Variants in RAD51B observed in about 807,000 individuals in gnomAD.
RAD51B encodes the protein DNA repair protein RAD51 homolog 2.
Under a neutral mutation model 42.2 loss-of-function variants are expected in RAD51B, and 38 were observed. The observed-to-expected ratio is 0.90, with a 90% CI of 0.70 to 1.18. The LOEUF is 1.18. Ranked by LOEUF, RAD51B falls within the 50% of genes most tolerant of loss-of-function variation. The pLI, the probability that RAD51B is intolerant of heterozygous loss-of-function variation, is 0.00. For missense variants in RAD51B, 373 were observed against 400.7 expected, an observed-to-expected ratio of 0.93 and a Z score of 0.59; for synonymous variants, 154 against 145.2, an observed-to-expected ratio of 1.06 and a Z score of -0.43.
At chr14:68,526,468 A>G (rs1206341535) in intron 10 of RAD51B, among the ~76,000 whole-genome samples, 7 of 152,228 alleles carry the variant, frequency 4.6e-5, no homozygotes, top group African/African-American at 1.7e-4. Context: ...AGCAATTGAG[A>G]TGAATTACCG....
intron 7 of RAD51B, among the ~76,000 whole-genome samples, chr14:68,217,803 G>C (rs2079847186): frequency 6.6e-6 from 1 of 152,198 alleles, no homozygotes; most frequent in Non-Finnish European, 1.5e-5. Context: ...AACAGAGGAA[G>C]TCATGGAAGA....
At chr14:68,449,150 G>A (rs545265536) in intron 9 of RAD51B, among the ~76,000 whole-genome samples, 5 of 152,204 alleles carry the variant, frequency 3.3e-5, no homozygotes, top group African/African-American at 1.2e-4. Flanking sequence ...AAAAATGAAC[G>A]AAATGTTGTG....
intron 7 of RAD51B, among the ~76,000 whole-genome samples, chr14:68,273,332 G>T (rs916924024): frequency 1.3e-5 from 2 of 152,196 alleles, no homozygotes; most frequent in African/African-American, 4.8e-5. Flanking sequence ...TTACTCTCAG[G>T]TGAACCTGGC....
intron 10 of RAD51B, among the ~76,000 whole-genome samples, chr14:68,503,702 TAAG>T (rs1341904598): frequency 6.6e-6 from 1 of 152,142 alleles, no homozygotes; most frequent in Non-Finnish European, 1.5e-5. Context: ...CTTTCAGGGC[TAAG>T]AAGATGTTAG....
At chr14:68,335,875 T>C (rs1401140126) in intron 8 of RAD51B, among the ~76,000 whole-genome samples, 1 of 152,118 alleles carries the variant, frequency 6.6e-6, no homozygotes, top group Non-Finnish European at 1.5e-5. Context: ...TTAGCAATAC[T>C]TTAAGGGACT....
At chr14:68,532,819 T>C (rs1887394787) in intron 10 of RAD51B, among the ~76,000 whole-genome samples, 2 of 152,190 alleles carry the variant, frequency 1.3e-5, no homozygotes, top group African/African-American at 4.8e-5. Flanking sequence ...ATATTAACAA[T>C]ATTAACAGAG....
At chr14:68,030,476 T>G (rs975586898) in intron 7 of RAD51B, among the ~76,000 whole-genome samples, 1 of 152,228 alleles carries the variant, frequency 6.6e-6, no homozygotes, top group African/African-American at 2.4e-5. Flanking sequence ...TTAAACCTCA[T>G]GAAGCAACCT....
intron 8 of RAD51B, among the ~76,000 whole-genome samples, chr14:68,300,762 G>T (rs2081714254): frequency 6.6e-6 from 1 of 152,098 alleles, no homozygotes; most frequent in Non-Finnish European, 1.5e-5. Flanking sequence ...TGAGATATGA[G>T]GCCTAAATTT....
At chr14:68,158,916 A>G (rs980741150) in intron 7 of RAD51B, among the ~76,000 whole-genome samples, 1 of 152,242 alleles carries the variant, frequency 6.6e-6, no homozygotes, top group Non-Finnish European at 1.5e-5. Context: ...TATTTAAACA[A>G]AAGTTGATTC....
At chr14:68,347,494 C>T (rs549419629) in intron 8 of RAD51B, among the ~76,000 whole-genome samples, 6 of 152,198 alleles carry the variant, frequency 3.9e-5, no homozygotes, top group African/African-American at 4.8e-5. Flanking sequence ...CCAGCCTGAG[C>T]GACGTAGTAG....
downstream of RAD51B, among the ~76,000 whole-genome samples, chr14:68,478,714 A>T (rs1882921575): frequency 6.6e-6 from 1 of 152,222 alleles, no homozygotes; most frequent in African/African-American, 2.4e-5. Flanking sequence ...AGAGATTTTT[A>T]GTGCATTGAG....
At chr14:68,110,171 A>G (rs978927728) in intron 7 of RAD51B, among the ~76,000 whole-genome samples, 4 of 152,014 alleles carry the variant, frequency 2.6e-5, no homozygotes, top group African/African-American at 9.7e-5. Context: ...AATTTAAGAT[A>G]GGGACACAGC....
chr14:67,864,518 C>G (rs996038452), intron 4 of RAD51B, among the ~76,000 whole-genome samples: 20 of 152,144 alleles, frequency 1.3e-4, no homozygotes, highest in African/African-American at 4.6e-4. Flanking sequence ...CCTAAATACT[C>G]TTAAAAATAT....
intron 8 of RAD51B, among the ~76,000 whole-genome samples, chr14:68,376,993 T>C (rs955936033): frequency 1.3e-5 from 2 of 152,166 alleles, no homozygotes; most frequent in African/African-American, 4.8e-5. Context: ...AGAGTAAAAG[T>C]CTGGGAATGT....
intron 7 of RAD51B, among the ~76,000 whole-genome samples, chr14:67,954,590 T>C (rs1395544214): frequency 2.6e-5 from 4 of 152,184 alleles, no homozygotes; most frequent in Non-Finnish European, 5.9e-5. Flanking sequence ...ATAGTTTTAA[T>C]ACTATGATGT....
chr14:68,283,599 CAGGATGCCGTCG>C (rs2081361412), intron 7 of RAD51B, among the ~76,000 whole-genome samples: 1 of 152,216 alleles, frequency 6.6e-6, no homozygotes, highest in Non-Finnish European at 1.5e-5. Context: ...AGATCACTGA[CAGGATGCCGTCG>C]GGGTTGGGCT....
chr14:68,554,768 T>A (rs1467755613), intron 10 of RAD51B, among the ~76,000 whole-genome samples: 1 of 152,148 alleles, frequency 6.6e-6, no homozygotes, highest in African/African-American at 2.4e-5. Context: ...TGTTTCCCCA[T>A]GCCTAGAAGA....
chr14:68,334,427 C>T (rs906140190), intron 8 of RAD51B, among the ~76,000 whole-genome samples: 1 of 152,052 alleles, frequency 6.6e-6, no homozygotes, highest in African/African-American at 2.4e-5. Context: ...TCACCCATAT[C>T]GTCTACACAT....
chr14:68,047,269 G>C (rs2076317145), intron 7 of RAD51B, among the ~76,000 whole-genome samples: 1 of 152,150 alleles, frequency 6.6e-6, no homozygotes, highest in South Asian at 2.1e-4. Flanking sequence ...GAGAAGAAAA[G>C]TGGTCTTGTT....
Sources: gnomAD v4.1 joint callset for allele counts (sites outside exome capture counted in the v4.1 genomes callset) on GRCh38, gnomAD v4.1.1 for gene constraint, MANE v1.5 for transcripts, NCBI Gene and HGNC (gene_info 2026-07-23, HGNC 2026-07-21) for gene names.